The following TJP1 variants were observed in gnomAD, a reference collection of about 807,000 sequenced individuals.
TJP1 encodes tight junction protein 1.
Under a neutral mutation model 194.2 loss-of-function variants are expected in TJP1, and 43 were observed. The ratio of observed to expected loss-of-function variants is 0.22; its 90% confidence interval spans 0.17 to 0.29. The LOEUF is 0.29. TJP1 is among the 10% of genes least tolerant of loss of function. The probability of loss-of-function intolerance (pLI) is 1.00; values close to 1 mark genes in which losing one functional copy is unlikely to be tolerated. For synonymous variants in TJP1, 801 were observed against 779.0 expected (o/e 1.03, Z -0.47); for missense variants, 1,971 against 2,185.7 (o/e 0.90, Z 1.96).
At chr15:29,743,302 CTG>C (rs1468407691) in intron 8 of TJP1, among the ~76,000 whole-genome samples, 1 of 152,124 alleles carries the variant, frequency 6.6e-6, no homozygotes, top group East Asian at 1.9e-4. Context: ...ATATATAATA[CTG>C]GGCTGAACTA....
intron 2 of TJP1, among the ~76,000 whole-genome samples, chr15:29,941,922 A>G (rs2055093802): frequency 6.6e-6 from 1 of 152,166 alleles, no homozygotes; most frequent in Non-Finnish European, 1.5e-5. Flanking sequence ...ACTGGTCTGC[A>G]TGAAGAGGCC....
chr15:29,758,734 C>T (rs780959070), intron 8 of TJP1, among the ~76,000 whole-genome samples: 15 of 152,066 alleles, frequency 9.9e-5, no homozygotes, highest in Non-Finnish European at 2.1e-4. Flanking sequence ...TAATCCTTTT[C>T]CTGATAACAA....
At chr15:29,797,451 G>A (rs182589878) in intron 2 of TJP1, among the ~76,000 whole-genome samples, 3 of 152,090 alleles carry the variant, frequency 2.0e-5, no homozygotes, top group Admixed American at 2.0e-4. Flanking sequence ...CACCTGGCCA[G>A]AGCTTTATCA....
At chr15:29,843,102 T>C (rs1308843372) in intron 2 of TJP1, among the ~76,000 whole-genome samples, 1 of 152,196 alleles carries the variant, frequency 6.6e-6, no homozygotes, top group East Asian at 1.9e-4. Flanking sequence ...ATTCTTTATG[T>C]CCCTTTTATT....
intron 11 of TJP1, among the ~76,000 whole-genome samples, chr15:29,737,048 C>G (rs375432151): frequency 2.0e-5 from 3 of 152,056 alleles, no homozygotes; most frequent in Non-Finnish European, 4.4e-5. Context: ...TTTACTAACA[C>G]AAAATATAGC....
At chr15:29,841,629 T>C (rs1006101381) in intron 2 of TJP1, among the ~76,000 whole-genome samples, 1 of 152,186 alleles carries the variant, frequency 6.6e-6, no homozygotes, top group Non-Finnish European at 1.5e-5. Flanking sequence ...TTTCTCAACT[T>C]GCCAGTCAGA....
At chr15:29,937,903 A>T (rs949845069) in intron 2 of TJP1, among the ~76,000 whole-genome samples, 2 of 152,222 alleles carry the variant, frequency 1.3e-5, no homozygotes, top group African/African-American at 4.8e-5. Context: ...CACTAAAAAA[A>T]ATTAGATGAA....
intron 2 of TJP1, among the ~76,000 whole-genome samples, chr15:29,855,996 T>C (rs1364257356): frequency 1.3e-5 from 2 of 152,282 alleles, no homozygotes; most frequent in Admixed American, 1.3e-4. Flanking sequence ...TATGTCCATA[T>C]AGGAACTTGT....
At chr15:29,745,418 T>C (rs1202937414) in intron 8 of TJP1, among the ~76,000 whole-genome samples, 1 of 150,754 alleles carries the variant, frequency 6.6e-6, no homozygotes, top group Non-Finnish European at 1.5e-5. Flanking sequence ...CAGATGGAAA[T>C]GAAAGGGAAA....
At chr15:29,965,526 C>A (rs143315473) in intron 1 of TJP1, among the ~76,000 whole-genome samples, 7 of 152,156 alleles carry the variant, frequency 4.6e-5, no homozygotes, top group African/African-American at 1.7e-4. Context: ...CATTTGTAAA[C>A]AGGCACAAGC....
intron 2 of TJP1, among the ~76,000 whole-genome samples, chr15:29,854,792 A>C (rs914112711): frequency 9.2e-5 from 14 of 152,190 alleles, no homozygotes; most frequent in Non-Finnish European, 1.2e-4. Flanking sequence ...AACTCAAGAC[A>C]AAAGAAACCT....
intron 2 of TJP1, among the ~76,000 whole-genome samples, chr15:29,852,131 C>T (rs953269944): frequency 4.6e-5 from 7 of 152,152 alleles, no homozygotes; most frequent in African/African-American, 1.7e-4. Context: ...AACTGGACAT[C>T]ATCAAAATTA....
intron 2 of TJP1, among the ~76,000 whole-genome samples, chr15:29,917,516 C>T (rs1413152462): frequency 6.6e-6 from 1 of 152,108 alleles, no homozygotes; most frequent in Non-Finnish European, 1.5e-5. Flanking sequence ...AAAATGAATA[C>T]AGAAGTAGTT....
chr15:29,869,795 C>CTTTTTTT (rs11318770), intron 2 of TJP1, among the ~76,000 whole-genome samples: 208 of 56,038 alleles, frequency 3.7e-3, no homozygotes, highest in Non-Finnish European at 4.6e-3. Flanking sequence ...TTCTTTCTTT[C>CTTTTTTT]TTTTTTTTTT....
Position 29,701,637 on chromosome 15 carries a change from G to A in TJP1, c.5265C>T (p.Leu1755=), listed in dbSNP as rs1345370658. The part of the protein sequence containing the change: ...NKCLPGDPNY[L]VGANCVSVLI... ...GGACAGAAACACAGTTTGCTCCAAC[G>A]AGATAATTTGGATCTCCGGGAAGAC... The change falls in exon 28 of 28, where the codon CTC becomes CTT. Residue 1755 remains leucine, a synonymous_variant. Transcript: ENST00000614355. 5 of 1,613,954 alleles carry A rather than the reference G, an allele frequency of 3.1e-6. No homozygotes were observed. The Admixed American group carries it at 5.0e-5, about 16-fold the overall frequency.
chr15:29,822,565 C>A (rs2050489081), upstream of TJP1: 1 of 485,978 alleles, frequency 2.1e-6, no homozygotes, highest in Non-Finnish European at 2.7e-6. Flanking sequence ...GGCGGGGCCG[C>A]GGCGGGGGAG....
chr15:29,910,518 T>C (rs913113102), intron 2 of TJP1, among the ~76,000 whole-genome samples: 5 of 152,226 alleles, frequency 3.3e-5, no homozygotes, highest in African/African-American at 4.8e-5. Flanking sequence ...ACACTGTTTA[T>C]ATGTAGAAGT....
intron 8 of TJP1, among the ~76,000 whole-genome samples, chr15:29,746,932 T>C (rs2044828435): frequency 6.7e-6 from 1 of 149,736 alleles, no homozygotes; most frequent in South Asian, 2.1e-4. Context: ...AAAGCCAAGA[T>C]ATTTTCTAGC....
intron 9 of TJP1, among the ~76,000 whole-genome samples, chr15:29,742,163 A>T (rs941992453): frequency 1.3e-5 from 2 of 152,052 alleles, no homozygotes; most frequent in African/African-American, 4.8e-5. Flanking sequence ...TCAGGTGGAA[A>T]GACAGCTGGA....
Sources: allele counts gnomAD v4.1 joint callset (sites outside exome capture counted in the v4.1 genomes callset), GRCh38; gene constraint gnomAD v4.1.1; transcripts MANE v1.5; gene names NCBI Gene and HGNC (gene_info 2026-07-23, HGNC 2026-07-21).